CUX1: variants seen among roughly 807,000 people sequenced by gnomAD.
CUX1 encodes protein CASP.
In CUX1, 31 loss-of-function variants were observed where a neutral mutation model predicts 158.8. The ratio of observed to expected loss-of-function variants is 0.20; its 90% CI spans 0.15 to 0.26. The LOEUF is 0.26. Ranked by LOEUF, CUX1 falls within the 10% of genes least tolerant of loss-of-function variation. The pLI is 1.00. For missense variants in CUX1, 1,589 were observed against 2,014.6 expected, an observed-to-expected ratio of 0.79 and a Z score of 4.04; for synonymous variants, 879 against 862.1, an observed-to-expected ratio of 1.02 and a Z score of -0.34.
At chr7:101,987,696 A>G (rs1814512262) in intron 2 of CUX1, among the ~76,000 whole-genome samples, 1 of 152,234 alleles carries the variant, frequency 6.6e-6, no homozygotes, top group African/African-American at 2.4e-5. Flanking sequence ...GGCGCAGGGC[A>G]CGTGCCTGAG....
intron 2 of CUX1, among the ~76,000 whole-genome samples, chr7:101,988,993 C>CA (rs1010587831): frequency 1.3e-5 from 2 of 150,376 alleles, no homozygotes; most frequent in Admixed American, 6.6e-5. Flanking sequence ...GATCCTGTCT[C>CA]AAAAAAAAAA....
chr7:102,264,371 A>G (rs1790649485), intron 14 of CUX1, among the ~76,000 whole-genome samples: 1 of 152,200 alleles, frequency 6.6e-6, no homozygotes, highest in South Asian at 2.1e-4. Context: ...GTGAGAAGGA[A>G]GGACGTTCTA....
intron 20 of CUX1, among the ~76,000 whole-genome samples, chr7:102,211,379 G>A (rs919753167): frequency 1.3e-5 from 2 of 152,020 alleles, no homozygotes; most frequent in Admixed American, 6.5e-5. Context: ...CCAGGAGGTG[G>A]AGGCTGCAGT....
intron 1 of CUX1, among the ~76,000 whole-genome samples, chr7:101,883,262 G>A (rs371557580): frequency 6.6e-5 from 10 of 152,282 alleles, no homozygotes; most frequent in East Asian, 3.9e-4. Context: ...CACACAGTCC[G>A]AATGTGGAAT....
At chr7:102,216,581 C>T (rs1435465126) in intron 20 of CUX1, among the ~76,000 whole-genome samples, 1 of 37,656 alleles carries the variant, frequency 2.7e-5, no homozygotes, top group Non-Finnish European at 7.3e-5. Context: ...CACACACACT[C>T]TCCCACACAC....
At chr7:101,853,542 GTGT>G (rs1352738064) in intron 1 of CUX1, among the ~76,000 whole-genome samples, 1 of 151,466 alleles carries the variant, frequency 6.6e-6, no homozygotes, top group Non-Finnish European at 1.5e-5. Flanking sequence ...GCCTAGTGAC[GTGT>G]TGTTGTTTGT....
At chr7:102,115,955 G>C (rs549982780) in intron 8 of CUX1, among the ~76,000 whole-genome samples, 2 of 152,308 alleles carry the variant, frequency 1.3e-5, no homozygotes, top group East Asian at 1.9e-4. Flanking sequence ...TGCCAGGCTA[G>C]AGTTTGAACC....
intron 4 of CUX1, among the ~76,000 whole-genome samples, chr7:102,080,341 C>T (rs1210700968): frequency 6.6e-6 from 1 of 152,198 alleles, no homozygotes; most frequent in African/African-American, 2.4e-5. Flanking sequence ...AGTCGCTCAT[C>T]AGCATGCTAA....
intron 2 of CUX1, among the ~76,000 whole-genome samples, chr7:102,020,963 G>A (rs1345457799): frequency 6.6e-6 from 1 of 152,012 alleles, no homozygotes; most frequent in African/African-American, 2.4e-5. Context: ...TACCCCAGAT[G>A]AGGGAGATCT....
At chr7:101,946,148 A>C (rs1052315378) in intron 2 of CUX1, among the ~76,000 whole-genome samples, 3 of 152,068 alleles carry the variant, frequency 2.0e-5, no homozygotes, top group African/African-American at 7.3e-5. Flanking sequence ...AAGAACCAAA[A>C]CCAGTCTTGG....
intron 6 of CUX1, among the ~76,000 whole-genome samples, chr7:102,108,771 T>TGTGTGTGTGTGTGTGTG (rs1554489271): frequency 3.3e-5 from 5 of 151,110 alleles, no homozygotes; most frequent in African/African-American, 7.3e-5. Context: ...TGTGTGTGTG[T>TGTGTGTGTGTGTGTGTG]TTTGAGACAA....
chr7:101,896,350 A>G (rs1801516897), intron 1 of CUX1, among the ~76,000 whole-genome samples: 6 of 152,220 alleles, frequency 3.9e-5, no homozygotes, highest in Admixed American at 3.9e-4. Context: ...GGACATGCAC[A>G]GTAAGCGTCG....
intron 9 of CUX1, among the ~76,000 whole-genome samples, chr7:102,168,918 C>CTTTTTTTTT (rs1239519322): frequency 3.6e-5 from 3 of 84,134 alleles, no homozygotes; most frequent in Non-Finnish European, 6.8e-5. Flanking sequence ...CTTTTATTTT[C>CTTTTTTTTT]TTTTCTTTTC....
chr7:102,119,890 C>T (rs191424016), intron 8 of CUX1, among the ~76,000 whole-genome samples: 25 of 152,286 alleles, frequency 1.6e-4, no homozygotes, highest in Middle Eastern at 3.4e-3. Flanking sequence ...CTCAGATGGT[C>T]ACCCTGTGTA....
chr7:102,127,584 T>TGTTTTTG (rs11406024), intron 8 of CUX1, among the ~76,000 whole-genome samples: 11 of 151,568 alleles, frequency 7.3e-5, no homozygotes, highest in Non-Finnish European at 1.6e-4. Flanking sequence ...TTTTTGTTTT[T>TGTTTTTG]TTTTTTACCT....
chr7:101,985,453 T>C (rs777502230), intron 2 of CUX1, among the ~76,000 whole-genome samples: 1 of 152,178 alleles, frequency 6.6e-6, no homozygotes, highest in Non-Finnish European at 1.5e-5. Flanking sequence ...TGCAAGGTAG[T>C]GCCTGCAGGA....
chr7:102,079,371 G>A (rs1380145927), intron 4 of CUX1, among the ~76,000 whole-genome samples: 2 of 151,956 alleles, frequency 1.3e-5, no homozygotes, highest in Non-Finnish European at 2.9e-5. Flanking sequence ...CTGGGAGGCG[G>A]AGGTGGCAGT....
chr7:102,187,779 G>A (rs1430113590), intron 11 of CUX1, among the ~76,000 whole-genome samples: 1 of 151,818 alleles, frequency 6.6e-6, no homozygotes, highest in East Asian at 1.9e-4. Context: ...AAAGTGCTGG[G>A]ATTACAGGCG....
intron 3 of CUX1, among the ~76,000 whole-genome samples, chr7:102,032,514 C>G (rs930411474): frequency 6.6e-6 from 1 of 151,776 alleles, no homozygotes; most frequent in African/African-American, 2.4e-5. Flanking sequence ...ACTAAACATA[C>G]AAAAATTAGG....
Sources: allele counts gnomAD v4.1 joint callset (sites outside exome capture counted in the v4.1 genomes callset), GRCh38; gene constraint gnomAD v4.1.1; transcripts MANE v1.5; gene names NCBI Gene and HGNC (gene_info 2026-07-23, HGNC 2026-07-21).